PKHD1: variants seen among roughly 807,000 people sequenced by gnomAD.
PKHD1 encodes the protein PKHD1 ciliary IPT domain containing fibrocystin/polyductin.
In PKHD1, 291 loss-of-function variants were observed where a neutral mutation model predicts 412.0. The observed-to-expected ratio is 0.71, with a 90% confidence interval of 0.64 to 0.78. PKHD1 has a LOEUF of 0.78. Ranked by LOEUF, PKHD1 falls within the 30% of genes least tolerant of loss-of-function variation. The pLI, the probability that PKHD1 is intolerant of heterozygous loss-of-function variation, is 0.00. For synonymous variants in PKHD1, 1,777 were observed against 1,821.5 expected, an observed-to-expected ratio of 0.98 and a Z score of 0.62; for missense variants, 4,825 against 4,950.7, an observed-to-expected ratio of 0.97 and a Z score of 0.76.
rs200511208 is a variant in PKHD1 at position 52,043,665 on chromosome 6, T to C, written c.2781A>G (p.Gln927=). ...CPGSCSFQYL[Q]GSTPCVHSVW... is the part of the protein sequence containing the mutation. ...CAGAATGGACACAGGGAGTTGACCCTTGGAGGTACTGGAAAGAGCAGGAAC... is the reference window on the plus strand; with the variant it reads ...CAGAATGGACACAGGGAGTTGACCCCTGGAGGTACTGGAAAGAGCAGGAAC... The change falls in exon 26 of 67, where the codon CAA becomes CAG. Residue 927 remains glutamine, a synonymous_variant. Coordinates refer to ENST00000371117, the MANE Select transcript of PKHD1 (RefSeq NM_138694.4). The C allele has an allele frequency of 1.1e-4, 173 of 1,613,348 alleles. No homozygotes were observed. The Middle Eastern group carries it at 1.5e-3, about 14-fold the overall frequency.
chr6:51,873,342 C>T (rs574124136), intron 46 of PKHD1, among the ~76,000 whole-genome samples: 1 of 152,222 alleles, frequency 6.6e-6, no homozygotes, highest in East Asian at 1.9e-4. Context: ...CGATAGAAGG[C>T]TGAATAATGC....
chr6:51,925,780 TTC>T (rs1289351085), intron 37 of PKHD1, among the ~76,000 whole-genome samples: 6 of 151,934 alleles, frequency 3.9e-5, no homozygotes, highest in Non-Finnish European at 8.8e-5. Flanking sequence ...CTCTCCCTCC[TTC>T]TCTCTCCCTT....
At chr6:51,869,859 T>G (rs1775698662) in intron 47 of PKHD1, among the ~76,000 whole-genome samples, 1 of 152,166 alleles carries the variant, frequency 6.6e-6, no homozygotes, top group African/African-American at 2.4e-5. Flanking sequence ...AATTGGTGAT[T>G]CAAACCACAA....
At chr6:52,028,978 GT>G (rs1264036766) in intron 29 of PKHD1, among the ~76,000 whole-genome samples, 5 of 152,298 alleles carry the variant, frequency 3.3e-5, no homozygotes, top group East Asian at 1.9e-4. Context: ...CCACATATTG[GT>G]TGCTTAACCT....
At chr6:51,934,446 A>T in intron 36 of PKHD1, 124 bp from the exon 37 acceptor site, 1 of 724,378 alleles carries the variant, frequency 1.4e-6, no homozygotes, top group South Asian at 1.5e-5. Flanking sequence ...TTATTTTATC[A>T]TGCTCTCTCT....
chr6:52,085,592 A>G (rs1562312514), intron 1 of PKHD1, among the ~76,000 whole-genome samples: 3 of 152,104 alleles, frequency 2.0e-5, no homozygotes, highest in Admixed American at 1.3e-4. Flanking sequence ...CCGCCATTCC[A>G]GTGCTCACCA....
intron 35 of PKHD1, among the ~76,000 whole-genome samples, chr6:51,988,604 C>A (rs967527607): frequency 6.6e-6 from 1 of 152,192 alleles, no homozygotes; most frequent in African/African-American, 2.4e-5. Flanking sequence ...CCAACTACCA[C>A]CACCATATGC....
At chr6:51,718,239 G>A (rs1562159593) in intron 60 of PKHD1, among the ~76,000 whole-genome samples, 1 of 152,162 alleles carries the variant, frequency 6.6e-6, no homozygotes, top group Non-Finnish European at 1.5e-5. Flanking sequence ...CATGCCCTGT[G>A]GACCACGGTT....
At chr6:51,709,716 A>C (rs1780420716) in intron 60 of PKHD1, among the ~76,000 whole-genome samples, 1 of 152,220 alleles carries the variant, frequency 6.6e-6, no homozygotes, top group Non-Finnish European at 1.5e-5. Context: ...TAACATGGTC[A>C]TTGTGTGAAA....
chr6:51,776,470 A>G (rs1187390137), intron 53 of PKHD1, among the ~76,000 whole-genome samples: 1 of 152,002 alleles, frequency 6.6e-6, no homozygotes, highest in Non-Finnish European at 1.5e-5. Context: ...TAAACCACTG[A>G]GATTTGGGGA....
intron 63 of PKHD1, among the ~76,000 whole-genome samples, chr6:51,644,626 C>T (rs1413327899): frequency 6.6e-6 from 1 of 152,142 alleles, no homozygotes; most frequent in African/African-American, 2.4e-5. Context: ...TTGGACAACA[C>T]AAAACCCACA....
chr6:51,783,339 C>T (rs1436584948), intron 53 of PKHD1, among the ~76,000 whole-genome samples: 2 of 141,602 alleles, frequency 1.4e-5, no homozygotes, highest in Non-Finnish European at 3.1e-5. Context: ...TGTATTTTTA[C>T]AATACAAATA....
In PKHD1 at chr6:52,070,493, T is replaced by C. The variant is rs758197544; in HGVS notation, c.668-48A>G. On this transcript the variant is annotated intron_variant, in intron 9 of 66. Coordinates refer to ENST00000371117, the MANE Select transcript of PKHD1 (RefSeq NM_138694.4). ...TTAACTCAGGAATCTGCACGAGTCT[T>C]CTGGGCCAGGCCATTGCTTTCATAA... 12 of 1,431,652 alleles carry C rather than the reference T, an allele frequency of 8.4e-6. No individual in the cohort carries two copies. In the African/African-American group the frequency reaches 1.4e-4, roughly 17 times the overall value. The allele number at this position is 1,431,652 out of a possible 1,614,324, so 88.7% of individuals were successfully genotyped here. A position where few individuals can be genotyped will look rare whatever the true frequency, so the allele number is the denominator to read the frequency against.
At chr6:51,641,171 T>C (rs1291778761) in intron 63 of PKHD1, among the ~76,000 whole-genome samples, 1 of 152,184 alleles carries the variant, frequency 6.6e-6, no homozygotes, top group Non-Finnish European at 1.5e-5. Context: ...GAAAACTGCA[T>C]GTGATTTCTT....
At chr6:51,762,308 T>C (rs1788149821) in intron 55 of PKHD1, among the ~76,000 whole-genome samples, 1 of 152,058 alleles carries the variant, frequency 6.6e-6, no homozygotes, top group Non-Finnish European at 1.5e-5. Flanking sequence ...ACCATTTAAT[T>C]TCAAAGATCA....
At chr6:52,003,231 T>A (rs1798653566) in intron 35 of PKHD1, among the ~76,000 whole-genome samples, 1 of 152,170 alleles carries the variant, frequency 6.6e-6, no homozygotes, top group Admixed American at 6.5e-5. Flanking sequence ...GAAAAAATTA[T>A]GATGACTTAA....
chr6:51,925,455 ATGTGTG>A (rs70977319), intron 37 of PKHD1, among the ~76,000 whole-genome samples: 6 of 144,884 alleles, frequency 4.1e-5, no homozygotes, highest in African/African-American at 1.3e-4. Flanking sequence ...GTGTGTGTGT[ATGTGTG>A]TGTGTGTGTG....
At chr6:51,836,184 T>C (rs1187462661) in intron 51 of PKHD1, among the ~76,000 whole-genome samples, 2 of 152,250 alleles carry the variant, frequency 1.3e-5, no homozygotes, top group Non-Finnish European at 2.9e-5. Flanking sequence ...TTTCAATTCT[T>C]ACTTTCATTG....
chr6:52,071,165 C>A, intron 8 of PKHD1, 95 bp from the exon 9 acceptor site: 1 of 853,386 alleles, frequency 1.2e-6, no homozygotes, highest in Non-Finnish European at 2.0e-6. Flanking sequence ...AAAAGAAAAC[C>A]AAATTTGCTA....
Sources: gnomAD v4.1 joint callset for allele counts (sites outside exome capture counted in the v4.1 genomes callset) on GRCh38, gnomAD v4.1.1 for gene constraint, MANE v1.5 for transcripts, NCBI Gene and HGNC (gene_info 2026-07-23, HGNC 2026-07-21) for gene names.